Variants in C16orf74 observed in about 807,000 individuals in gnomAD.
C16orf74 encodes the protein calcimembrin.
C16orf74 carries 10 observed loss-of-function variants against 6.5 expected under a neutral mutation model. The ratio of observed to expected loss-of-function variants is 1.54; its 90% confidence interval spans 0.95 to 2.61. The LOEUF is 2.61. Among genes scored for constraint, C16orf74 ranks in the 30% most tolerant of loss-of-function variants. The pLI is 0.00. For missense variants in C16orf74, 141 were observed against 105.9 expected (o/e 1.33, Z -1.45); for synonymous variants, 60 against 42.5 (o/e 1.41, Z -1.60).
intron 2 of C16orf74, among the ~76,000 whole-genome samples, chr16:85,726,591 C>T (rs568002604): frequency 1.3e-5 from 2 of 152,194 alleles, no homozygotes; most frequent in Non-Finnish European, 2.9e-5. Context: ...AAGTGGGGTG[C>T]TTGACCTTGG....
chr16:85,711,439 A>G (rs2053968597), intron 2 of C16orf74, among the ~76,000 whole-genome samples: 1 of 144,896 alleles, frequency 6.9e-6, no homozygotes, highest in African/African-American at 2.6e-5. Flanking sequence ...ACACGGAGAA[A>G]CCCCGTCTCC....
chr16:85,737,961 A>AT (rs34329302), intron 1 of C16orf74, among the ~76,000 whole-genome samples: 47,500 of 136,798 alleles, frequency 0.35, 8,611 homozygotes, highest in Middle Eastern at 0.42. Context: ...TTTTTTTGTG[A>AT]TTTTTTTTTT....
At chr16:85,736,051 G>A (rs986732348) in intron 1 of C16orf74, among the ~76,000 whole-genome samples, 2 of 152,162 alleles carry the variant, frequency 1.3e-5, no homozygotes, top group Non-Finnish European at 2.9e-5. Flanking sequence ...TCCCTAGGCT[G>A]GGGCCCCACC....
intron 2 of C16orf74, among the ~76,000 whole-genome samples, chr16:85,714,161 C>G (rs1049645967): frequency 2.6e-5 from 4 of 152,080 alleles, no homozygotes; most frequent in Non-Finnish European, 4.4e-5. Flanking sequence ...GGGGAATCAG[C>G]CGACTCCCTG....
Position 85,722,417 on chromosome 16 carries a change from G to A in C16orf74, c.29-12110C>T, listed in dbSNP as rs185974456. Reference sequence around the variant, plus strand: ...ATGGGCCCTGTGGGCAGCTGAAGCTGGGAAAGGCCGCAGCCAGAGAGCGGA... The same window carrying A: ...ATGGGCCCTGTGGGCAGCTGAAGCTAGGAAAGGCCGCAGCCAGAGAGCGGA... On this transcript the variant is annotated intron_variant, in intron 2 of 3. Transcript: ENST00000284245. Among the ~76,000 whole-genome samples, 659 of 152,348 alleles carry A rather than the reference G, an allele frequency of 4.3e-3. 14 individuals are homozygous for A. The highest frequency in any genetic ancestry group is 0.037 in the Admixed American group (568 of 15,306).
chr16:85,710,144 G>A lies in C16orf74; in HGVS notation c.172+20C>T, dbSNP rs373401837. 1.1e-5 allele frequency: 16 copies of A among 1,405,392 alleles called. No homozygotes were observed. The highest frequency in any genetic ancestry group is 3.7e-5 in the Admixed American group (1 of 27,264). The allele number at this position is 1,405,392 out of a possible 1,614,324, so 87.1% of individuals were successfully genotyped here. On this transcript the variant is annotated intron_variant, in intron 3 of 3. Coordinates refer to ENST00000284245, the MANE Select transcript of C16orf74 (RefSeq NM_206967.3). Reference sequence around the variant, plus strand: ...GCCCCCACAGCCGACCCGGCTTGGCGGTGGAGGGGACGGCCTCACCTGTGC... The same window carrying A: ...GCCCCCACAGCCGACCCGGCTTGGCAGTGGAGGGGACGGCCTCACCTGTGC...
At chr16:85,712,011 G>A (rs1180751438) in intron 2 of C16orf74, among the ~76,000 whole-genome samples, 3 of 152,196 alleles carry the variant, frequency 2.0e-5, no homozygotes, top group Non-Finnish European at 4.4e-5. Context: ...CTTCCACGGT[G>A]AGGTCATAAA....
chr16:85,708,482 G>C (rs2053935614), intron 3 of C16orf74, among the ~76,000 whole-genome samples: 2 of 152,300 alleles, frequency 1.3e-5, no homozygotes, highest in Admixed American at 6.5e-5. Context: ...GACAGTACTG[G>C]GGTGCAGGAG....
intron 3 of C16orf74, among the ~76,000 whole-genome samples, chr16:85,709,176 G>T (rs1025272235): frequency 6.6e-6 from 1 of 152,144 alleles, no homozygotes; most frequent in African/African-American, 2.4e-5. Flanking sequence ...CCAACACAAC[G>T]AAACCCCATT....
At chr16:85,745,548 T>C (rs9930657) in intron 1 of C16orf74, among the ~76,000 whole-genome samples, 13,082 of 151,896 alleles carry the variant, frequency 0.086, 928 homozygotes, top group Admixed American at 0.18. Flanking sequence ...CAGAAACTCC[T>C]GCTGGCTGGA....
chr16:85,736,733 C>G (rs930181586), intron 1 of C16orf74, among the ~76,000 whole-genome samples: 7 of 152,208 alleles, frequency 4.6e-5, no homozygotes, highest in Admixed American at 1.3e-4. Flanking sequence ...TAGTTTATCT[C>G]AAGACTTCAC....
intron 2 of C16orf74, among the ~76,000 whole-genome samples, chr16:85,721,872 G>C (rs2054086545): frequency 6.6e-6 from 1 of 152,026 alleles, no homozygotes; most frequent in African/African-American, 2.4e-5. Flanking sequence ...CTGCTGTGTG[G>C]TCTGAACAAG....
intron 2 of C16orf74, among the ~76,000 whole-genome samples, chr16:85,724,431 AG>A (rs1312218007): frequency 6.6e-6 from 1 of 152,142 alleles, no homozygotes; most frequent in Non-Finnish European, 1.5e-5. Context: ...TGAGGCCCCT[AG>A]GGATCCAGCT....
intron 2 of C16orf74, among the ~76,000 whole-genome samples, chr16:85,721,511 T>A (rs7187711): frequency 6.6e-6 from 1 of 152,204 alleles, no homozygotes; most frequent in Non-Finnish European, 1.5e-5. Flanking sequence ...ATAGTTTTTT[T>A]AGTAGAGGCA....
chr16:85,746,674 CCA>C (rs1476662408), intron 1 of C16orf74, among the ~76,000 whole-genome samples: 1 of 152,132 alleles, frequency 6.6e-6, no homozygotes, highest in Non-Finnish European at 1.5e-5. Context: ...TGACTGTTTG[CCA>C]GGTGAGTGGG....
intron 1 of C16orf74, among the ~76,000 whole-genome samples, chr16:85,739,196 A>C (rs1341445374): frequency 6.6e-6 from 1 of 152,126 alleles, no homozygotes; most frequent in African/African-American, 2.4e-5. Context: ...AGCTGCACAG[A>C]GCCCCAGGGC....
chr16:85,745,443 G>A (rs2054362869), intron 1 of C16orf74, among the ~76,000 whole-genome samples: 1 of 152,222 alleles, frequency 6.6e-6, no homozygotes, highest in Non-Finnish European at 1.5e-5. Context: ...TTGTCAGCTT[G>A]CCCTCTACAG....
At chr16:85,740,794 T>C (rs1437031604) in intron 1 of C16orf74, among the ~76,000 whole-genome samples, 2 of 117,944 alleles carry the variant, frequency 1.7e-5, no homozygotes, top group Admixed American at 1.3e-4. Context: ...ATTGTGCCAC[T>C]ACACTCCAGC....
At chr16:85,730,176 G>C (rs1489940979) in intron 2 of C16orf74, among the ~76,000 whole-genome samples, 1 of 152,116 alleles carries the variant, frequency 6.6e-6, no homozygotes, top group African/African-American at 2.4e-5. Context: ...AGCCCGCAGG[G>C]AAGAACGTCA....
Sources: allele counts gnomAD v4.1 joint callset (sites outside exome capture counted in the v4.1 genomes callset), GRCh38; gene constraint gnomAD v4.1.1; transcripts MANE v1.5; gene names NCBI Gene and HGNC (gene_info 2026-07-23, HGNC 2026-07-21).